STAT4: variants seen among roughly 807,000 people sequenced by gnomAD.
STAT4 encodes the protein signal transducer and activator of transcription 4.
A neutral mutation model predicts 110.5 loss-of-function variants in STAT4; 42 were observed. That is an observed-to-expected ratio of 0.38 (90% CI 0.30 to 0.49). The LOEUF (loss-of-function observed/expected upper bound fraction) is 0.49. Among genes scored for constraint, STAT4 ranks in the 20% least tolerant of loss-of-function variants. STAT4 has a pLI of 0.95. For missense variants in STAT4, 632 were observed against 887.9 expected (o/e 0.71, Z 3.66); for synonymous variants, 284 against 302.2 (o/e 0.94, Z 0.63).
chr2:191,116,577 G>A lies in STAT4; in HGVS notation c.273+30036C>T, dbSNP rs967826825. Among the ~76,000 whole-genome samples, 1 of 151,958 alleles carries A rather than the reference G, an allele frequency of 6.6e-6. No homozygotes were observed. Among genetic ancestry groups the A allele is most frequent in the Non-Finnish European group, 1.5e-5 (1 of 67,990 alleles). ...TATTGCATGAAATTTAGACAAAGGT[G>A]GCATGCTTTGGGAACAGTCCATCCC... On this transcript the variant is annotated intron_variant, in intron 3 of 23. Transcript: ENST00000392320. The surrounding 1 kb of genome is among the most constrained non-coding windows in gnomAD (Gnocchi z 4.1).
chr2:191,114,514 GTTAAGT>G (rs1221332910), intron 3 of STAT4, among the ~76,000 whole-genome samples: 7 of 152,198 alleles, frequency 4.6e-5, no homozygotes, highest in African/African-American at 1.7e-4. Flanking sequence ...CACCTCCTCC[GTTAAGT>G]TTAACAGGAA....
chr2:191,049,103 C>G (rs1158149322), intron 14 of STAT4, among the ~76,000 whole-genome samples: 3 of 149,634 alleles, frequency 2.0e-5, no homozygotes, highest in Admixed American at 2.0e-4. Flanking sequence ...TCTTCTCTGT[C>G]TCCTCTGCTC....
chr2:191,100,755 ATG>A (rs1268994042), intron 3 of STAT4, among the ~76,000 whole-genome samples: 4 of 151,170 alleles, frequency 2.6e-5, no homozygotes, highest in Non-Finnish European at 4.4e-5. Context: ...TTATATAAAT[ATG>A]TAATTTTTTA....
Position 191,150,252 on chromosome 2 carries a change from C to A in STAT4, c.-2+695G>T, listed in dbSNP as rs1699560197. Among the ~76,000 whole-genome samples the A allele has an allele frequency of 6.6e-6, 1 of 152,170 alleles. No individual in the cohort carries two copies. The highest frequency in any genetic ancestry group is 1.5e-5 in the Non-Finnish European group (1 of 68,030). On this transcript the variant is annotated intron_variant, in intron 1 of 23. Transcript: ENST00000392320. This position sits in a 1 kb window ranked among gnomAD's most constrained non-coding sequence, Gnocchi z 6.4. Reference sequence around the variant, plus strand: ...AAAGGAAGAAGAAGGAATACATAGTCCTAGGACATTTTCTATTGCAGCCTC... The same window carrying A: ...AAAGGAAGAAGAAGGAATACATAGTACTAGGACATTTTCTATTGCAGCCTC...
chr2:191,041,239 A>T, intron 14 of STAT4, 91 bp from the exon 15 acceptor site: 1 of 527,512 alleles, frequency 1.9e-6, no homozygotes, highest in Non-Finnish European at 2.8e-6. Context: ...TATATTTATT[A>T]ATAAATTAAT....
Position 191,112,802 on chromosome 2 carries a change from C to G in STAT4, c.273+33811G>C, listed in dbSNP as rs1298040169. 6.6e-6 allele frequency among the ~76,000 whole-genome samples: 1 copy of G among 152,150 alleles called. No homozygotes were observed. The highest frequency in any genetic ancestry group is 6.6e-5 in the Admixed American group (1 of 15,266). On this transcript the variant is annotated intron_variant, in intron 3 of 23. Coordinates refer to ENST00000392320, the MANE Select transcript of STAT4 (RefSeq NM_003151.4). This position sits in a 1 kb window ranked among gnomAD's most constrained non-coding sequence, Gnocchi z 4.3. ...ACGCTCTGTCTTCAAGTCTAGAGCT[C>G]TTTGGACAAACTACAGAAGGAAAAT...
chr2:191,087,248 G>A (rs1697658220), intron 3 of STAT4, among the ~76,000 whole-genome samples: 1 of 151,978 alleles, frequency 6.6e-6, no homozygotes, highest in Non-Finnish European at 1.5e-5. Flanking sequence ...TCACTCCATT[G>A]TCTGTCTCCA....
intron 6 of STAT4, among the ~76,000 whole-genome samples, chr2:191,069,004 T>C (rs899367511): frequency 4.6e-5 from 7 of 152,138 alleles, no homozygotes; most frequent in Non-Finnish European, 7.4e-5. Context: ...ATGCAATTAC[T>C]GAAATTATGT....
chr2:191,109,105 A>G (rs1434976554), intron 3 of STAT4, among the ~76,000 whole-genome samples: 1 of 152,166 alleles, frequency 6.6e-6, no homozygotes, highest in Non-Finnish European at 1.5e-5. Context: ...AGCATTTTAG[A>G]TGTTTGCTGA....
chr2:191,046,830 T>C lies in STAT4; in HGVS notation c.1252-5682A>G, dbSNP rs953859594. Among the ~76,000 whole-genome samples the C allele has an allele frequency of 6.6e-5, 10 of 152,134 alleles. No individual in the cohort carries two copies. Among genetic ancestry groups the C allele is most frequent in the Non-Finnish European group, 1.0e-4 (7 of 68,028 alleles). Reference sequence around the variant, plus strand: ...ACGGGTTCCTAAGACCTTTGTAATTTCCTTAGTGATAGGATTGTCTGACAC... The same window carrying C: ...ACGGGTTCCTAAGACCTTTGTAATTCCCTTAGTGATAGGATTGTCTGACAC... On this transcript the variant is annotated intron_variant, in intron 14 of 23. Transcript: ENST00000392320. The surrounding 1 kb of genome is among the most constrained non-coding windows in gnomAD (Gnocchi z 4.6).
At chr2:191,125,210 C>T (rs4571082) in intron 3 of STAT4, among the ~76,000 whole-genome samples, 92,183 of 151,954 alleles carry the variant, frequency 0.61, 28,677 homozygotes, top group South Asian at 0.75. Context: ...TTCCCATTCC[C>T]GTATCTTTCT....
Position 191,066,351 on chromosome 2 carries a change from CTTGA to C in STAT4, c.630+75_630+78del. The stretch of plus-strand genomic sequence containing the variant: ...AAATGGAACTGATAAAATCTGACAG[CTTGA>C]TTATTTTCAGTTAGTCTAAGTTTAG... On this transcript the variant is annotated intron_variant, in intron 7 of 23. Coordinates refer to ENST00000392320, the MANE Select transcript of STAT4 (RefSeq NM_003151.4). This position sits in a 1 kb window ranked among gnomAD's most constrained non-coding sequence, Gnocchi z 4.3. 3 of 1,270,570 alleles carry C rather than the reference CTTGA, an allele frequency of 2.4e-6. No individual in the cohort carries two copies. In the South Asian group the frequency reaches 3.8e-5, roughly 16 times the overall value. The allele number at this position is 1,270,570 out of a possible 1,614,324, so 78.7% of individuals were successfully genotyped here.
chr2:191,033,433 C>T lies in STAT4; in HGVS notation c.1852+57G>A. 6.4e-7 allele frequency: 1 copy of T among 1,556,072 alleles called. No individual in the cohort carries two copies. The highest frequency in any genetic ancestry group is 8.7e-7 in the Non-Finnish European group (1 of 1,150,424). ...CATACACTTCCAAAAACTGAAATCC[C>T]AGTAACCAAATTTAAGAAAACTAAT... On this transcript the variant is annotated intron_variant, in intron 20 of 23. Coordinates refer to ENST00000392320, the MANE Select transcript of STAT4 (RefSeq NM_003151.4). This position sits in a 1 kb window ranked among gnomAD's most constrained non-coding sequence, Gnocchi z 6.9.
intron 3 of STAT4, chr2:191,121,925 A>AT (rs1284151314): frequency 6.6e-6 from 1 of 152,194 alleles, no homozygotes; most frequent in Non-Finnish European, 1.5e-5. Flanking sequence ...CTTAACGTAT[A>AT]ATACTAATAA....
At chr2:191,065,477 A>G (rs3024848) in intron 7 of STAT4, among the ~76,000 whole-genome samples, 9 of 152,308 alleles carry the variant, frequency 5.9e-5, no homozygotes, top group Middle Eastern at 3.4e-3. Context: ...TGTAAGCTAT[A>G]TGAACATGAA....
chr2:191,127,370 C>T (rs892828471), intron 3 of STAT4, among the ~76,000 whole-genome samples: 1 of 152,122 alleles, frequency 6.6e-6, no homozygotes, highest in Admixed American at 6.5e-5. Context: ...CTTGCTGTAC[C>T]AGATACTCTT....
chr2:191,029,949 C>G lies in STAT4; in HGVS notation c.2221-83G>C. On this transcript the variant is annotated intron_variant, in intron 23 of 23. Transcript: ENST00000392320. The surrounding 1 kb of genome is among the most constrained non-coding windows in gnomAD (Gnocchi z 4.5). ...TATTTCTTGGGCAAATAAACGTCCT[C>G]TTTTCTACGAATTACTCCATAATTT... 1.9e-6 allele frequency: 2 copies of G among 1,071,886 alleles called. No homozygotes were observed. Among genetic ancestry groups the G allele is most frequent in the Admixed American group, 4.4e-5 (2 of 45,526 alleles). 66.4% of individuals were successfully genotyped at this position (1,071,886 alleles called of 1,614,324 possible). A position where few individuals can be genotyped will look rare whatever the true frequency, so the allele number is the denominator to read the frequency against.
Position 191,147,891 on chromosome 2 carries a change from C to T in STAT4, c.128+185G>A, listed in dbSNP as rs566714151. Among the ~76,000 whole-genome samples the T allele has an allele frequency of 1.7e-4, 26 of 152,158 alleles. No homozygotes were observed. Among genetic ancestry groups the T allele is most frequent in the African/African-American group, 6.3e-4 (26 of 41,508 alleles). On this transcript the variant is annotated intron_variant, in intron 2 of 23. Transcript: ENST00000392320. This position sits in a 1 kb window ranked among gnomAD's most constrained non-coding sequence, Gnocchi z 4.1. Reference sequence around the variant, plus strand: ...ACTGGAACCATTAACTTTTCATTTACAATGAATGGAACCAGAAAGGACAAT... The same window carrying T: ...ACTGGAACCATTAACTTTTCATTTATAATGAATGGAACCAGAAAGGACAAT...
rs955148934 is a variant in STAT4, at chr2:191,060,790, A to C, written c.1034+939T>G. Among the ~76,000 whole-genome samples, 1 of 152,262 alleles carries C rather than the reference A, an allele frequency of 6.6e-6. No individual in the cohort carries two copies. The highest frequency in any genetic ancestry group is 1.5e-5 in the Non-Finnish European group (1 of 68,040). On this transcript the variant is annotated intron_variant, in intron 10 of 23. Transcript: ENST00000392320. The surrounding 1 kb of genome is among the most constrained non-coding windows in gnomAD (Gnocchi z 4.5). ...GTTCTTAAATCTTGGTGCAAAATTC[A>C]TACAAAGAAACTGATTAAGAAGTTA...
Sources: allele counts gnomAD v4.1 joint callset (sites outside exome capture counted in the v4.1 genomes callset), GRCh38; gene constraint gnomAD v4.1.1; non-coding constraint Gnocchi (gnomAD v3.1); transcripts MANE v1.5; gene names NCBI Gene and HGNC (gene_info 2026-07-23, HGNC 2026-07-21).